CEP192: variants seen among roughly 807,000 people sequenced by gnomAD.
CEP192 encodes the protein centrosomal protein of 192 kDa.
In CEP192, 151 loss-of-function variants were observed where a neutral mutation model predicts 271.8. The observed-to-expected ratio is 0.56, with a 90% CI of 0.49 to 0.64. CEP192 has a LOEUF of 0.64. Ranked by LOEUF, CEP192 falls within the 30% of genes least tolerant of loss-of-function variation. CEP192 has a pLI of 0.00. For missense variants in CEP192, 2,910 were observed against 3,020.5 expected (o/e 0.96, Z 0.86); for synonymous variants, 995 against 1,076.5 (o/e 0.92, Z 1.48).
intron 30 of CEP192, among the ~76,000 whole-genome samples, chr18:13,074,477 C>G (rs57607448): frequency 0.077 from 11,702 of 152,204 alleles, 530 homozygotes; most frequent in South Asian, 0.2. Flanking sequence ...TGAATATATT[C>G]TGATTTGTTT....
At chr18:13,047,818 A>G (rs931296238) in intron 15 of CEP192, among the ~76,000 whole-genome samples, 1 of 152,230 alleles carries the variant, frequency 6.6e-6, no homozygotes, top group African/African-American at 2.4e-5. Context: ...GAATGAAATT[A>G]CCAAGAATTA....
rs147839513 is a variant in CEP192 at position 13,030,835 on chromosome 18, A to G, written c.1534+227A>G. The stretch of plus-strand genomic sequence containing the variant: ...AGCAAAGCCAATGAGTGAGAATAGC[A>G]TTTGTATACTACCGTGTAGACCCCA... On this transcript the variant is annotated intron_variant, in intron 11 of 44. Coordinates refer to ENST00000506447, the MANE Select transcript of CEP192 (RefSeq NM_032142.4). Among the ~76,000 whole-genome samples, 5 of 152,310 alleles carry G rather than the reference A, an allele frequency of 3.3e-5. 1 individual carries two copies. The East Asian group carries it at 9.6e-4, about 29-fold the overall frequency.
intron 4 of CEP192, 102 bp from the exon 5 acceptor site, chr18:13,012,871 C>T: frequency 6.2e-6 from 4 of 643,624 alleles, no homozygotes; most frequent in South Asian, 4.4e-5. Context: ...TGCTTTTATT[C>T]TATTTCAAGA....
At chr18:13,065,559 C>G (rs1415130288) in intron 21 of CEP192, among the ~76,000 whole-genome samples, 2 of 152,142 alleles carry the variant, frequency 1.3e-5, no homozygotes, top group African/African-American at 4.8e-5. Flanking sequence ...ATAAGTTATG[C>G]TCATGTGTAC....
chr18:13,029,586 C>T, intron 9 of CEP192, 77 bp from the exon 10 acceptor site: 9 of 864,442 alleles, frequency 1.0e-5, no homozygotes, highest in South Asian at 4.2e-5. Flanking sequence ...ATAATTTTTC[C>T]CATAAATTTT....
chr18:13,092,290 A>G (rs544718701), intron 33 of CEP192, 87 bp from the exon 34 acceptor site: 147 of 925,998 alleles, frequency 1.6e-4, no homozygotes, highest in Non-Finnish European at 2.2e-4. Flanking sequence ...CTAATATTCT[A>G]TAGCTATAAA....
rs1161970884 is a variant in CEP192, at chr18:13,108,512, C to G, written c.7047+3433C>G. Among the ~76,000 whole-genome samples the G allele has an allele frequency of 2.0e-5, 3 of 152,142 alleles. No individual in the cohort carries two copies. In the East Asian group the frequency reaches 5.8e-4, roughly 29 times the overall value. Reference sequence around the variant, plus strand: ...GAGCAAAAGACATGAACAGACACTTCTCAGAAGAAGACATACAAGCAGCCA... The same window carrying G: ...GAGCAAAAGACATGAACAGACACTTGTCAGAAGAAGACATACAAGCAGCCA... On this transcript the variant is annotated intron_variant, in intron 40 of 44. Transcript: ENST00000506447.
rs780210599 is a variant in CEP192 at position 13,100,506 on chromosome 18, A to G, written c.6865A>G (p.Thr2289Ala). The change falls in exon 38 of 45, where the codon ACT becomes GCT. Residue 2289 changes from threonine (T) to alanine (A), a missense_variant. By Grantham distance (58) the Thr-to-Ala change is moderately conservative. Coordinates refer to ENST00000506447, the MANE Select transcript of CEP192 (RefSeq NM_032142.4). ...ITFPTTEPGE[T>A]SESCLELENH... ...TTTTCCTACAACAGAACCTGGTGAA[A>G]CTTCAGGTATTGTATCACAAAATTA... is the stretch of plus-strand genomic sequence containing the variant. 3.1e-6 allele frequency: 5 copies of G among 1,607,714 alleles called. No homozygotes were observed. The South Asian group carries it at 5.5e-5, about 18-fold the overall frequency.
intron 13 of CEP192, among the ~76,000 whole-genome samples, chr18:13,040,617 A>C (rs1003907461): frequency 6.6e-6 from 1 of 152,196 alleles, no homozygotes; most frequent in Non-Finnish European, 1.5e-5. Flanking sequence ...TTATTTGACA[A>C]TGTGAGTTCT....
intron 18 of CEP192, among the ~76,000 whole-genome samples, chr18:13,054,565 A>G (rs553825116): frequency 2.6e-4 from 39 of 152,310 alleles, no homozygotes; most frequent in Admixed American, 7.2e-4. Context: ...ATGGTGTCAG[A>G]TAACTTATCT....
At chr18:13,023,829 C>T (rs976609526) in intron 9 of CEP192, among the ~76,000 whole-genome samples, 1 of 152,176 alleles carries the variant, frequency 6.6e-6, no homozygotes, top group African/African-American at 2.4e-5. Flanking sequence ...GTGGAATTCA[C>T]TGTTGAACCT....
Position 13,049,045 on chromosome 18 carries a change from G to A in CEP192, c.2254G>A (p.Glu752Lys). 1 of 1,614,050 alleles carries A rather than the reference G, an allele frequency of 6.2e-7. No individual in the cohort carries two copies. The highest frequency in any genetic ancestry group is 8.5e-7 in the Non-Finnish European group (1 of 1,180,002). The change falls in exon 16 of 45, where the codon GAA (glutamate) becomes AAA (lysine). Residue 752 changes from glutamate to lysine, a missense_variant. Physicochemically the swap from Glu to Lys is moderately conservative, Grantham distance 56. Coordinates refer to ENST00000506447, the MANE Select transcript of CEP192 (RefSeq NM_032142.4). The stretch of plus-strand genomic sequence containing the variant: ...TAAAACCAGAGACAAGACTTTTCAG[G>A]AAGATGAGAAACAAAAGGACTATTC... The part of the protein sequence containing the change: ...SNKTRDKTFQ[E>K]DEKQKDYSHV...
intron 5 of CEP192, among the ~76,000 whole-genome samples, chr18:13,014,475 C>G (rs1333330365): frequency 2.6e-5 from 4 of 152,064 alleles, no homozygotes; most frequent in Non-Finnish European, 4.4e-5. Flanking sequence ...TTCTCAGTAG[C>G]CAACATGACC....
At chr18:13,096,391 A>ATTATTCATATT in intron 36 of CEP192, 84 bp downstream of exon 36, 3 of 1,535,206 alleles carry the variant, frequency 2.0e-6, no homozygotes, top group South Asian at 1.2e-5. Flanking sequence ...ATGTCATTGT[A>ATTATTCATATT]GTTTATCCAG....
chr18:13,051,057 C>T (rs988390168), intron 17 of CEP192, among the ~76,000 whole-genome samples: 2 of 152,144 alleles, frequency 1.3e-5, no homozygotes, highest in Non-Finnish European at 2.9e-5. Flanking sequence ...CTGAGACTAG[C>T]CTGATTCTTT....
intron 15 of CEP192, among the ~76,000 whole-genome samples, chr18:13,043,902 G>A (rs1186805434): frequency 6.6e-6 from 1 of 152,002 alleles, no homozygotes; most frequent in Non-Finnish European, 1.5e-5. Context: ...ATATATTTAT[G>A]GGGTACATGA....
At chr18:13,099,025 C>G (rs374917632) in intron 36 of CEP192, among the ~76,000 whole-genome samples, 1 of 152,028 alleles carries the variant, frequency 6.6e-6, no homozygotes, top group Non-Finnish European at 1.5e-5. Context: ...CAAAAAAATA[C>G]GAAAACCAGT....
chr18:13,038,485 A>G lies in CEP192; in HGVS notation c.1715A>G (p.Asp572Gly). The G allele has an allele frequency of 1.3e-6, 2 of 1,551,542 alleles. No individual in the cohort carries two copies. The highest frequency in any genetic ancestry group is 1.7e-6 in the Non-Finnish European group (2 of 1,146,832). Residue 572 changes from aspartate to glycine, a missense_variant, in exon 13 of 45, where the codon GAT (aspartate) becomes GGT (glycine). Transcript: ENST00000506447. Reference sequence around the variant, plus strand: ...CGTAGCACATCAGATTTGGATAAAGATGATGCCAGTTATTTACGTCTGTCT... The same window carrying G: ...CGTAGCACATCAGATTTGGATAAAGGTGATGCCAGTTATTTACGTCTGTCT... ...KSRSTSDLDK[D>G]DASYLRLSLG...
At chr18:13,057,234 G>T (rs2037158414) in intron 19 of CEP192, among the ~76,000 whole-genome samples, 1 of 129,646 alleles carries the variant, frequency 7.7e-6, no homozygotes, top group African/African-American at 3.0e-5. Context: ...GAAAGTTAAA[G>T]CCTCTGGAGG....
Sources: gnomAD v4.1 joint callset for allele counts (sites outside exome capture counted in the v4.1 genomes callset) on GRCh38, gnomAD v4.1.1 for gene constraint, MANE v1.5 for transcripts, NCBI Gene and HGNC (gene_info 2026-07-23, HGNC 2026-07-21) for gene names.